The following IL1RAPL1 variants were observed in gnomAD, a reference collection of about 807,000 sequenced individuals.
IL1RAPL1 encodes the protein interleukin-1 receptor accessory protein-like 1.
Under a neutral mutation model 48.4 loss-of-function variants are expected in IL1RAPL1, and 3 were observed. The ratio of observed to expected loss-of-function variants is 0.06; its 90% CI spans 0.03 to 0.16. The LOEUF is 0.16. Among genes scored for constraint, IL1RAPL1 ranks in the 10% least tolerant of loss-of-function variants. The pLI, the probability that IL1RAPL1 is intolerant of heterozygous loss-of-function variation, is 1.00. For synonymous variants in IL1RAPL1, 185 were observed against 187.7 expected, an observed-to-expected ratio of 0.99 and a Z score of 0.12; for missense variants, 349 against 530.6, an observed-to-expected ratio of 0.66 and a Z score of 3.36.
At chrX:29,501,643 T>C (rs1935274901) in intron 5 of IL1RAPL1, among the ~76,000 whole-genome samples, 1 of 111,571 alleles carries the variant, frequency 9.0e-6, no homozygotes, top group African/African-American at 3.3e-5. Context: ...GATTAATGCC[T>C]GTGTTCTCTA....
At chrX:28,800,847 T>TTTTATTTA (rs201705177) in intron 2 of IL1RAPL1, among the ~76,000 whole-genome samples, 1,866 of 93,696 alleles carry the variant, frequency 0.02, 19 homozygotes, top group African/African-American at 0.03. Flanking sequence ...ATTAAAGGGA[T>TTTTATTTA]TTTATTTATT....
chrX:29,297,745 A>G (rs1932470682), intron 3 of IL1RAPL1, among the ~76,000 whole-genome samples: 1 of 112,440 alleles, frequency 8.9e-6, no homozygotes, highest in Admixed American at 9.4e-5. Flanking sequence ...TAATCAGTGC[A>G]CTCATAAAAA....
At chrX:29,206,316 T>C (rs1372550848) in intron 2 of IL1RAPL1, among the ~76,000 whole-genome samples, 7 of 111,299 alleles carry the variant, frequency 6.3e-5, no homozygotes, top group Non-Finnish European at 1.3e-4. Context: ...GTTAATTCTG[T>C]TTTTTTTCAA....
At chrX:28,739,873 A>G (rs752511606) in intron 1 of IL1RAPL1, among the ~76,000 whole-genome samples, 1 of 110,115 alleles carries the variant, frequency 9.1e-6, no homozygotes, top group Admixed American at 9.7e-5. Context: ...TCTTTGCCTA[A>G]CCTCTTTGCT....
chrX:29,059,070 C>G (rs1927285619), intron 2 of IL1RAPL1, among the ~76,000 whole-genome samples: 1 of 111,736 alleles, frequency 8.9e-6, no homozygotes, highest in African/African-American at 3.2e-5. Flanking sequence ...GGAATTTCTC[C>G]AGGGAAATTT....
intron 3 of IL1RAPL1, among the ~76,000 whole-genome samples, chrX:29,352,292 C>A (rs1328040144): frequency 9.0e-6 from 1 of 110,989 alleles, no homozygotes; most frequent in Non-Finnish European, 1.9e-5. Context: ...ATGAGCTGAT[C>A]AGTTTCCCTG....
At chrX:29,533,268 A>G (rs1921105174) in intron 5 of IL1RAPL1, among the ~76,000 whole-genome samples, 1 of 111,322 alleles carries the variant, frequency 9.0e-6, no homozygotes, top group Admixed American at 9.5e-5. Flanking sequence ...CACTCCTCAT[A>G]TCTCCCTCTT....
At chrX:29,774,603 T>TTATA (rs1929147257) in intron 6 of IL1RAPL1, among the ~76,000 whole-genome samples, 2 of 112,157 alleles carry the variant, frequency 1.8e-5, no homozygotes, top group African/African-American at 6.5e-5. Context: ...ACGTAAAATT[T>TTATA]CTTCAATATA....
intron 2 of IL1RAPL1, among the ~76,000 whole-genome samples, chrX:29,146,779 A>G (rs773105912): frequency 8.9e-6 from 1 of 112,160 alleles, no homozygotes; most frequent in Non-Finnish European, 1.9e-5. Context: ...AAAAGAGTGA[A>G]ATCTGGGCTG....
chrX:29,903,945 G>A (rs1429111908), intron 6 of IL1RAPL1, among the ~76,000 whole-genome samples: 1 of 112,062 alleles, frequency 8.9e-6, no homozygotes, highest in South Asian at 3.7e-4. Context: ...CTGGCTGACT[G>A]ATATATTTGA....
intron 2 of IL1RAPL1, among the ~76,000 whole-genome samples, chrX:29,136,523 G>A (rs2147488307): frequency 9.0e-6 from 1 of 111,269 alleles, no homozygotes; most frequent in African/African-American, 3.3e-5. Context: ...TAGAGACAAG[G>A]TCTTGCTCTG....
intron 6 of IL1RAPL1, among the ~76,000 whole-genome samples, chrX:29,761,612 G>C (rs1338440010): frequency 8.9e-6 from 1 of 111,888 alleles, no homozygotes; most frequent in African/African-American, 3.2e-5. Flanking sequence ...GGAATCTTTA[G>C]TGTGAGTATT....
chrX:28,850,468 A>G (rs56289585), intron 2 of IL1RAPL1, among the ~76,000 whole-genome samples: 2,674 of 110,916 alleles, frequency 0.024, 78 homozygotes, highest in African/African-American at 0.083. Flanking sequence ...ACTGATGGCA[A>G]TGTGAGCTCA....
At chrX:29,888,372 C>T (rs908430715) in intron 6 of IL1RAPL1, among the ~76,000 whole-genome samples, 1 of 109,539 alleles carries the variant, frequency 9.1e-6, no homozygotes, top group East Asian at 2.9e-4. Flanking sequence ...TACAGGTGCC[C>T]GCCACCACAC....
chrX:29,825,909 G>T lies in IL1RAPL1; in HGVS notation c.779-91555G>T, dbSNP rs766383301. 9.0e-5 allele frequency among the ~76,000 whole-genome samples: 10 copies of T among 110,767 alleles called. No homozygotes were observed. The South Asian group carries it at 4.0e-3, about 44-fold the overall frequency. ...AGATTTGGACTGCTGAATGTAGTTC[G>T]CCGACTCGGGTTGAGAGTTTTTTGT... On this transcript the variant is annotated intron_variant, in intron 6 of 10. Transcript: ENST00000378993.
At chrX:29,329,862 C>G (rs1932870577) in intron 3 of IL1RAPL1, among the ~76,000 whole-genome samples, 1 of 109,089 alleles carries the variant, frequency 9.2e-6, no homozygotes, top group African/African-American at 3.3e-5. Context: ...ACATTGCTGA[C>G]CCTTGAAAAC....
At chrX:29,313,192 A>G (rs141413056) in intron 3 of IL1RAPL1, among the ~76,000 whole-genome samples, 109 of 110,405 alleles carry the variant, frequency 9.9e-4, no homozygotes, top group African/African-American at 3.4e-3. Flanking sequence ...CAAAATTTTG[A>G]CCTGAGAGCA....
chrX:29,499,941 A>G (rs1935254168), intron 5 of IL1RAPL1, among the ~76,000 whole-genome samples: 1 of 111,201 alleles, frequency 9.0e-6, no homozygotes, highest in South Asian at 3.7e-4. Context: ...ATCTTTCTTT[A>G]TGCTAGAAAC....
intron 1 of IL1RAPL1, among the ~76,000 whole-genome samples, chrX:28,622,965 A>T (rs1934300429): frequency 8.9e-6 from 1 of 111,806 alleles, no homozygotes; most frequent in South Asian, 3.7e-4. Context: ...AGAAAAAAAT[A>T]GGATATACAG....
Sources: allele counts gnomAD v4.1 joint callset (sites outside exome capture counted in the v4.1 genomes callset), GRCh38; gene constraint gnomAD v4.1.1; transcripts MANE v1.5; gene names NCBI Gene and HGNC (gene_info 2026-07-23, HGNC 2026-07-21).